GIGYF2: variants seen among roughly 807,000 people sequenced by gnomAD.
GIGYF2 encodes GRB10 interacting GYF protein 2.
GIGYF2 carries 25 observed loss-of-function variants against 208.1 expected under a neutral mutation model. The ratio of observed to expected loss-of-function variants is 0.12; its 90% CI spans 0.09 to 0.17. GIGYF2 has a LOEUF of 0.17. GIGYF2 is among the 10% of genes least tolerant of loss of function. GIGYF2 has a pLI of 1.00. For synonymous variants in GIGYF2, 534 were observed against 543.8 expected (o/e 0.98, Z 0.25); for missense variants, 1,302 against 1,579.4 (o/e 0.82, Z 2.98).
At chr2:232,760,109 A>C (rs933175825) in intron 6 of GIGYF2, 1 of 167,688 alleles carries the variant, frequency 6.0e-6, no homozygotes, top group Non-Finnish European at 1.3e-5. Flanking sequence ...CTAAACCAAG[A>C]TTTCTTCCAT....
At chr2:232,747,520 C>G in intron 3 of GIGYF2, 95 bp from the exon 4 acceptor site, 1 of 1,339,952 alleles carries the variant, frequency 7.5e-7, no homozygotes, top group Admixed American at 1.7e-5. Context: ...TTTTGCTCTT[C>G]TAAAGAACTA....
At chr2:232,819,763 T>A (rs1371804543) in intron 20 of GIGYF2, 64 bp from the exon 21 acceptor site, 6 of 845,572 alleles carry the variant, frequency 7.1e-6, no homozygotes, top group Non-Finnish European at 1.2e-5. Context: ...AAATATGACA[T>A]AATAAATTGA....
At chr2:232,814,494 C>T (rs184072788) in intron 18 of GIGYF2, among the ~76,000 whole-genome samples, 5 of 139,184 alleles carry the variant, frequency 3.6e-5, no homozygotes, top group East Asian at 2.1e-4. Flanking sequence ...ACCCTGGAGG[C>T]GGAGGTTGCA....
In GIGYF2 at chr2:232,857,079, T is replaced by C; in HGVS notation, c.*219T>C. 6.8e-6 allele frequency: 4 copies of C among 592,416 alleles called. No homozygotes were observed. In the Admixed American group the frequency reaches 1.1e-4, roughly 16 times the overall value. 36.7% of individuals were successfully genotyped at this position (592,416 alleles called of 1,614,324 possible). A position where few individuals can be genotyped will look rare whatever the true frequency, so the allele number is the denominator to read the frequency against. On this transcript the variant is annotated 3_prime_UTR_variant, in exon 29 of 29. Coordinates refer to ENST00000373563, the MANE Select transcript of GIGYF2 (RefSeq NM_001103146.3). ...CTATAGATAAGTGGACTGGACCCTG[T>C]GTCTTGGGGGTGGCAGTTGGGATTA...
chr2:232,825,350 G>T (rs1701215430), intron 21 of GIGYF2, among the ~76,000 whole-genome samples: 1 of 152,188 alleles, frequency 6.6e-6, no homozygotes, highest in Non-Finnish European at 1.5e-5. Context: ...TTCATGAGAG[G>T]AAGTCAAAAT....
intron 8 of GIGYF2, among the ~76,000 whole-genome samples, chr2:232,772,947 C>T (rs1056496010): frequency 6.6e-6 from 1 of 152,034 alleles, no homozygotes; most frequent in Non-Finnish European, 1.5e-5. Context: ...TGGGTATATA[C>T]AACTTTCTTT....
At chr2:232,854,360 G>A (rs1312584171) in intron 28 of GIGYF2, among the ~76,000 whole-genome samples, 1 of 152,178 alleles carries the variant, frequency 6.6e-6, no homozygotes. Flanking sequence ...GGGTGTGGTG[G>A]CACCCGCTTA....
chr2:232,759,560 G>C (rs1698669397), intron 6 of GIGYF2, among the ~76,000 whole-genome samples: 1 of 152,068 alleles, frequency 6.6e-6, no homozygotes, highest in Non-Finnish European at 1.5e-5. Flanking sequence ...TCATTCTTCA[G>C]TATGTTCTTG....
intron 14 of GIGYF2, among the ~76,000 whole-genome samples, chr2:232,805,007 T>A (rs181667732): frequency 3.2e-4 from 48 of 152,162 alleles, no homozygotes; most frequent in Non-Finnish European, 8.8e-5. Flanking sequence ...GGGGAACAGG[T>A]GATATTTGGT....
At chr2:232,842,074 A>G (rs1001233288) in intron 23 of GIGYF2, among the ~76,000 whole-genome samples, 1 of 152,020 alleles carries the variant, frequency 6.6e-6, no homozygotes, top group African/African-American at 2.4e-5. Flanking sequence ...TCCTGAGCTC[A>G]AGCGATCTTC....
Position 232,736,246 on chromosome 2 carries a change from A to G in GIGYF2, c.41+1008A>G, listed in dbSNP as rs953875363. The stretch of plus-strand genomic sequence containing the variant: ...AACATGTTAACCTAAGTAATGCTGT[A>G]CTTGTTTTAGTTATTCCTTTATATT... On this transcript the variant is annotated intron_variant, in intron 3 of 28. Transcript: ENST00000373563. The G allele has an allele frequency of 5.4e-5, 41 of 757,998 alleles. No homozygotes were observed. In the African/African-American group the frequency reaches 7.2e-4, roughly 13 times the overall value. The allele number at this position is 757,998 out of a possible 1,614,324, so 47.0% of individuals were successfully genotyped here. A position where few individuals can be genotyped will look rare whatever the true frequency, so the allele number is the denominator to read the frequency against.
intron 22 of GIGYF2, among the ~76,000 whole-genome samples, chr2:232,838,205 A>AGTGT (rs1701708862): frequency 6.6e-6 from 1 of 152,096 alleles, no homozygotes; most frequent in Non-Finnish European, 1.5e-5. Context: ...TGAAATATAG[A>AGTGT]GTATATATTT....
chr2:232,763,442 TAA>T (rs1168491198), intron 8 of GIGYF2, among the ~76,000 whole-genome samples: 3 of 152,178 alleles, frequency 2.0e-5, no homozygotes, highest in African/African-American at 7.2e-5. Context: ...ATATCTATGA[TAA>T]AGTTTAATTT....
At chr2:232,718,086 G>A (rs2344612) in intron 2 of GIGYF2, among the ~76,000 whole-genome samples, 1 of 151,852 alleles carries the variant, frequency 6.6e-6, no homozygotes, top group African/African-American at 2.4e-5. Context: ...AATTTTTTTT[G>A]TTGTTGTTGT....
chr2:232,814,568 C>G lies in GIGYF2; in HGVS notation c.2108-1069C>G, dbSNP rs1346908837. 8.9e-5 allele frequency among the ~76,000 whole-genome samples: 11 copies of G among 123,536 alleles called. 2 individuals carry two copies. Among genetic ancestry groups the G allele is most frequent in the East Asian group, 2.4e-4 (1 of 4,168 alleles). The allele number at this position is 123,536 out of a possible 152,430, so 81.0% of individuals were successfully genotyped here. A position where few individuals can be genotyped will look rare whatever the true frequency, so the allele number is the denominator to read the frequency against. ...ACAGAGTGAGACTCCACCTCAAACC[C>G]CCCCCCCCCAAAAAAAAAGTACCTT... is the stretch of plus-strand genomic sequence containing the variant. On this transcript the variant is annotated intron_variant, in intron 18 of 28. Transcript: ENST00000373563.
intron 15 of GIGYF2, among the ~76,000 whole-genome samples, chr2:232,807,516 C>CT (rs1277626667): frequency 4.6e-5 from 7 of 152,062 alleles, no homozygotes; most frequent in African/African-American, 1.4e-4. Context: ...GAGTGAGACC[C>CT]TGTCTCAAAA....
chr2:232,787,351 G>A, intron 9 of GIGYF2, 22 bp downstream of exon 9: 1 of 1,597,282 alleles, frequency 6.3e-7, no homozygotes, highest in Non-Finnish European at 8.6e-7. Flanking sequence ...GTTGAGTAAA[G>A]GCACACAGGG....
chr2:232,708,004 C>T (rs192989461), intron 2 of GIGYF2, among the ~76,000 whole-genome samples: 7 of 152,052 alleles, frequency 4.6e-5, no homozygotes, highest in African/African-American at 1.7e-4. Context: ...CTCTGTCCCT[C>T]AGGCTGCAGT....
rs534286379 is a variant in GIGYF2, at chr2:232,724,932, T to G, written c.-43-10223T>G. Reference sequence around the variant, plus strand: ...TTGTTGTATGCACAAATTAGAAACTTAATAGGAAAAGAGAATTATCCATAA... The same window carrying G: ...TTGTTGTATGCACAAATTAGAAACTGAATAGGAAAAGAGAATTATCCATAA... On this transcript the variant is annotated intron_variant, in intron 2 of 28. Coordinates refer to ENST00000373563, the MANE Select transcript of GIGYF2 (RefSeq NM_001103146.3). Among the ~76,000 whole-genome samples, 337 of 152,324 alleles carry G rather than the reference T, an allele frequency of 2.2e-3. 3 individuals are homozygous for G. Among genetic ancestry groups the G allele is most frequent in the Admixed American group, 3.8e-3 (58 of 15,298 alleles).
Sources: allele counts gnomAD v4.1 joint callset (sites outside exome capture counted in the v4.1 genomes callset), GRCh38; gene constraint gnomAD v4.1.1; transcripts MANE v1.5; gene names NCBI Gene and HGNC (gene_info 2026-07-23, HGNC 2026-07-21).